The following C14orf132 variants were observed in gnomAD, a reference collection of about 807,000 sequenced individuals.
The protein encoded by C14orf132 is chromosome 14 open reading frame 132.
A neutral mutation model predicts 5.8 loss-of-function variants in C14orf132; 6 were observed. The observed-to-expected ratio is 1.03, with a 90% CI of 0.57 to 2.04. The LOEUF (loss-of-function observed/expected upper bound fraction) is 2.04, where lower values mean the gene tolerates loss of function less well. Ranked by LOEUF, C14orf132 falls within the 30% of genes most tolerant of loss-of-function variation. The pLI is 0.00. For synonymous variants in C14orf132, 51 were observed against 49.8 expected (o/e 1.02, Z -0.10); for missense variants, 125 against 115.8 (o/e 1.08, Z -0.37).
chr14:96,041,226 T>A (rs1016889754), intron 1 of C14orf132, among the ~76,000 whole-genome samples: 1 of 152,064 alleles, frequency 6.6e-6, no homozygotes, highest in Non-Finnish European at 1.5e-5. Context: ...GACGCTAAGG[T>A]TTGTTGAGCA....
chr14:96,081,548 G>A (rs1056513685), intron 1 of C14orf132, among the ~76,000 whole-genome samples: 3 of 152,190 alleles, frequency 2.0e-5, no homozygotes, highest in Admixed American at 1.3e-4. Flanking sequence ...CCCTGCCTTC[G>A]GAAAAGCGTA....
intron 1 of C14orf132, among the ~76,000 whole-genome samples, chr14:96,085,967 CTCTG>C (rs1403362214): frequency 1.4e-5 from 2 of 145,408 alleles, no homozygotes; most frequent in Non-Finnish European, 3.0e-5. Context: ...CTCTCTCTCA[CTCTG>C]TCTCTCTCTC....
intron 1 of C14orf132, among the ~76,000 whole-genome samples, chr14:96,066,032 C>T (rs1381952481): frequency 2.0e-5 from 3 of 152,162 alleles, no homozygotes; most frequent in Non-Finnish European, 4.4e-5. Context: ...AGAGGCACAG[C>T]CTCCTCCCCC....
intron 1 of C14orf132, chr14:96,051,015 C>T: frequency 2.5e-6 from 1 of 395,278 alleles, no homozygotes. Flanking sequence ...TAAATCTAGA[C>T]CATTACCCCT....
intron 1 of C14orf132, among the ~76,000 whole-genome samples, chr14:96,070,280 A>G (rs879589748): frequency 6.6e-6 from 1 of 152,054 alleles, no homozygotes; most frequent in Non-Finnish European, 1.5e-5. Flanking sequence ...TTTACTTTTT[A>G]AATAATTGAT....
At position 96,086,615 on chromosome 14, in the gene C14orf132, C is replaced by A. The variant is rs1182513374; in HGVS notation, c.132C>A (p.Gly44=). The A allele has an allele frequency of 1.3e-6, 2 of 1,536,060 alleles. No individual in the cohort carries two copies. Among genetic ancestry groups the A allele is most frequent in the Non-Finnish European group, 1.7e-6 (2 of 1,146,932 alleles). The change falls in exon 2 of 2, where the codon GGC becomes GGA. Residue 44 remains glycine (G), a synonymous_variant. Transcript: ENST00000555004. ...CCAATGTCCACGCGGCTGCCAATGG[C>A]CAGGGCCAGCCGGAAGATCCTCCTC... ...SSANVHAAAN[G]QGQPEDPPRS... is the part of the protein sequence containing the mutation.
At chr14:96,047,702 A>G (rs1470492676) in intron 1 of C14orf132, among the ~76,000 whole-genome samples, 1 of 152,226 alleles carries the variant, frequency 6.6e-6, no homozygotes, top group Admixed American at 6.5e-5. Context: ...AGGTCTCTGC[A>G]TCACGTCAGC....
intron 1 of C14orf132, among the ~76,000 whole-genome samples, chr14:96,083,233 G>A (rs1192360740): frequency 6.6e-6 from 1 of 152,182 alleles, no homozygotes; most frequent in Non-Finnish European, 1.5e-5. Context: ...TAAGGATGGG[G>A]CTGAGGGGGT....
Position 96,039,383 on chromosome 14 carries a change from T to C in C14orf132, c.-118T>C. ...AGCCAGAAGCCCAGAGACAGCCGAG[T>C]GCGCCGTGCGGTCTCCGGACGCTCG... On this transcript the variant is annotated 5_prime_UTR_variant, in exon 1 of 2. Transcript: ENST00000555004. The surrounding 1 kb of genome is among the most constrained non-coding windows in gnomAD (Gnocchi z 5.3). 9.9e-7 allele frequency: 1 copy of C among 1,009,746 alleles called. No individual in the cohort carries two copies. Among genetic ancestry groups the C allele is most frequent in the South Asian group, 2.5e-5 (1 of 39,618 alleles). The allele number at this position is 1,009,746 out of a possible 1,614,324, so 62.5% of individuals were successfully genotyped here. A position where few individuals can be genotyped will look rare whatever the true frequency, so the allele number is the denominator to read the frequency against.
intron 1 of C14orf132, among the ~76,000 whole-genome samples, chr14:96,062,788 G>C (rs1887398841): frequency 6.6e-6 from 1 of 152,120 alleles, no homozygotes; most frequent in Non-Finnish European, 1.5e-5. Context: ...GGGCTGCCAG[G>C]TACATTCTTC....
In C14orf132 at chr14:96,090,573, C is replaced by A. The variant is rs1395731076; in HGVS notation, c.*3838C>A. 8.8e-6 allele frequency: 4 copies of A among 455,708 alleles called. No individual in the cohort carries two copies. The highest frequency in any genetic ancestry group is 2.4e-5 in the Admixed American group (1 of 42,542). 28.2% of individuals were successfully genotyped at this position (455,708 alleles called of 1,614,324 possible). On this transcript the variant is annotated 3_prime_UTR_variant, in exon 2 of 2. Transcript: ENST00000555004. ...ATGGCGCAGCTCTTCCTACTCCAAG[C>A]CAATGCTGTCCTTCCCCTTTCCCAT...
At chr14:96,084,698 A>C (rs1888126271) in intron 1 of C14orf132, among the ~76,000 whole-genome samples, 1 of 152,052 alleles carries the variant, frequency 6.6e-6, no homozygotes, top group Non-Finnish European at 1.5e-5. Context: ...CAGCATGGTA[A>C]CCTGCAGCCC....
At chr14:96,072,384 C>G (rs1317626158) in intron 1 of C14orf132, among the ~76,000 whole-genome samples, 2 of 152,214 alleles carry the variant, frequency 1.3e-5, no homozygotes, top group Non-Finnish European at 1.5e-5. Flanking sequence ...AGTGGGAAGG[C>G]CACCACCACC....
intron 1 of C14orf132, among the ~76,000 whole-genome samples, chr14:96,069,168 C>CATATATATATGTATATATATAT (rs1887622528): frequency 1.6e-5 from 1 of 62,804 alleles, no homozygotes; most frequent in African/African-American, 5.1e-5. Context: ...TAAATCTCTT[C>CATATATATATGTATATATATAT]ATATATATAT....
At chr14:96,082,650 A>G (rs1888061252) in intron 1 of C14orf132, among the ~76,000 whole-genome samples, 1 of 152,192 alleles carries the variant, frequency 6.6e-6, no homozygotes, top group East Asian at 1.9e-4. Context: ...ACAACTGAAA[A>G]TGAGTACCTG....
intron 1 of C14orf132, among the ~76,000 whole-genome samples, chr14:96,068,677 C>T (rs181516398): frequency 1.4e-3 from 217 of 152,264 alleles, no homozygotes; most frequent in Middle Eastern, 6.8e-3. Flanking sequence ...CAGCAAAAGC[C>T]GATGCACCTG....
At chr14:96,079,624 G>A (rs1406661359) in intron 1 of C14orf132, among the ~76,000 whole-genome samples, 1 of 152,126 alleles carries the variant, frequency 6.6e-6, no homozygotes, top group Non-Finnish European at 1.5e-5. Flanking sequence ...ATAATGAAAG[G>A]ATGGATGGAT....
At chr14:96,058,800 C>T (rs1023428367) in intron 1 of C14orf132, among the ~76,000 whole-genome samples, 18 of 152,222 alleles carry the variant, frequency 1.2e-4, no homozygotes, top group African/African-American at 4.3e-4. Context: ...AGCAGTAGGG[C>T]TGCCACTGGC....
intron 1 of C14orf132, among the ~76,000 whole-genome samples, chr14:96,042,297 G>A (rs1317300906): frequency 6.6e-6 from 1 of 152,214 alleles, no homozygotes; most frequent in Non-Finnish European, 1.5e-5. Context: ...TATAGAAGGT[G>A]CTGATTGCTG....
Sources: gnomAD v4.1 joint callset for allele counts (sites outside exome capture counted in the v4.1 genomes callset) on GRCh38, gnomAD v4.1.1 for gene constraint, Gnocchi (gnomAD v3.1) non-coding constraint, MANE v1.5 for transcripts, NCBI Gene and HGNC (gene_info 2026-07-23, HGNC 2026-07-21) for gene names.